The following CREBBP variants were observed in gnomAD, a reference collection of about 807,000 sequenced individuals.
CREBBP encodes CREB binding lysine acetyltransferase, also known as CREB-binding protein.
CREBBP carries 19 observed loss-of-function variants against 265.0 expected under a neutral mutation model. The observed-to-expected ratio is 0.07, with a 90% CI of 0.05 to 0.11. The LOEUF is 0.11. CREBBP is among the 10% of genes least tolerant of loss of function. The pLI is 1.00. For missense variants in CREBBP, 2,525 were observed against 3,219.0 expected, an observed-to-expected ratio of 0.78 and a Z score of 5.22; for synonymous variants, 1,457 against 1,223.7, an observed-to-expected ratio of 1.19 and a Z score of -3.98.
intron 2 of CREBBP, among the ~76,000 whole-genome samples, chr16:3,846,666 C>T (rs2054673706): frequency 6.6e-6 from 1 of 152,076 alleles, no homozygotes; most frequent in Non-Finnish European, 1.5e-5. Flanking sequence ...GAAGAATTTC[C>T]AACTTGTATT....
intron 26 of CREBBP, chr16:3,737,134 T>C (rs1269887642): frequency 4.3e-6 from 2 of 466,314 alleles, no homozygotes; most frequent in South Asian, 2.1e-5. Context: ...ATCCCCTTCC[T>C]CCTGTGCACT....
At chr16:3,814,609 T>C (rs1402874321) in intron 2 of CREBBP, among the ~76,000 whole-genome samples, 1 of 152,028 alleles carries the variant, frequency 6.6e-6, no homozygotes, top group Non-Finnish European at 1.5e-5. Flanking sequence ...CTCTGACAGA[T>C]TTCATCAAAA....
At chr16:3,762,914 A>G (rs942673947) in intron 16 of CREBBP, among the ~76,000 whole-genome samples, 15 of 151,982 alleles carry the variant, frequency 9.9e-5, no homozygotes, top group African/African-American at 3.6e-4. Context: ...CGCTGGGACT[A>G]CAGGCGCCTG....
intron 11 of CREBBP, among the ~76,000 whole-genome samples, chr16:3,776,060 G>A (rs1009835034): frequency 1.3e-5 from 2 of 152,122 alleles, no homozygotes; most frequent in Non-Finnish European, 2.9e-5. Context: ...GGGATTACAG[G>A]TGTGCACCAC....
intron 7 of CREBBP, 64 bp from the exon 8 acceptor site, chr16:3,780,942 A>C (rs2053260497): frequency 6.3e-7 from 1 of 1,587,304 alleles, no homozygotes; most frequent in Admixed American, 1.7e-5. Context: ...TTTGTCTAGT[A>C]AGGTTCTTCT....
intron 16 of CREBBP, among the ~76,000 whole-genome samples, chr16:3,763,357 C>T (rs963888817): frequency 6.6e-6 from 1 of 152,126 alleles, no homozygotes; most frequent in Non-Finnish European, 1.5e-5. Context: ...GACAGGGTCT[C>T]ACCATGTTGC....
chr16:3,752,691 T>A (rs1018586335), intron 19 of CREBBP, among the ~76,000 whole-genome samples: 1 of 152,262 alleles, frequency 6.6e-6, no homozygotes, highest in Non-Finnish European at 1.5e-5. Context: ...TTGACATTTT[T>A]GGTACTGGGA....
intron 28 of CREBBP, among the ~76,000 whole-genome samples, chr16:3,733,116 A>T (rs907863821): frequency 2.0e-5 from 3 of 152,052 alleles, no homozygotes; most frequent in Non-Finnish European, 2.9e-5. Flanking sequence ...TAATCCCAGC[A>T]CTTTGGAAGG....
At chr16:3,754,494 G>A (rs2052544293) in intron 19 of CREBBP, among the ~76,000 whole-genome samples, 1 of 151,966 alleles carries the variant, frequency 6.6e-6, no homozygotes, top group Non-Finnish European at 1.5e-5. Flanking sequence ...TTGCAAAGGA[G>A]AAATACTTCA....
chr16:3,800,156 C>T (rs1465616583), intron 3 of CREBBP, among the ~76,000 whole-genome samples: 1 of 152,208 alleles, frequency 6.6e-6, no homozygotes, highest in African/African-American at 2.4e-5. Flanking sequence ...GGTCTCACTG[C>T]TACCCAGGCT....
At position 3,728,171 on chromosome 16, in the gene CREBBP, C is replaced by A. The variant is rs2051798083; in HGVS notation, c.6876G>T (p.Gln2292His). 1.2e-6 allele frequency: 2 copies of A among 1,614,132 alleles called. No individual in the cohort carries two copies. Among genetic ancestry groups the A allele is most frequent in the East Asian group, 2.2e-5 (1 of 44,886 alleles). The change falls in exon 31 of 31, where the codon CAG becomes CAT. Residue 2292 changes from glutamine (Q) to histidine (H), a missense_variant. This residue lies in a region of CREBBP where 473 missense variants were observed against 459.3 expected (regional missense o/e 1.03). Coordinates refer to ENST00000262367, the MANE Select transcript of CREBBP (RefSeq NM_004380.3). This position sits in a 1 kb window ranked among gnomAD's most constrained non-coding sequence, Gnocchi z 8.7. ...DSTPNIQQAL[Q>H]QRILQQQQMK... Reference sequence around the variant, plus strand: ...TCTGCTGTTGCTGCAGAATCCGCTGCTGCAGGGCTTGCTGGATGTTGGGGG... The same window carrying A: ...TCTGCTGTTGCTGCAGAATCCGCTGATGCAGGGCTTGCTGGATGTTGGGGG...
chr16:3,850,420 C>G lies in CREBBP; in HGVS notation c.675G>C (p.Pro225=). ...CGCCCTGCATGGCTGGAGTAGGGTA[C>G]GGCATTCCAGCTCCCCTTCCTCTGC... ...AAGRGRGAGM[P]YPTPAMQGAS... is the part of the protein sequence containing the mutation. The change falls in exon 2 of 31, where the codon CCG becomes CCC. Residue 225 remains proline (P), a synonymous_variant. Coordinates refer to ENST00000262367, the MANE Select transcript of CREBBP (RefSeq NM_004380.3). The G allele has an allele frequency of 1.2e-6, 2 of 1,614,218 alleles. No individual in the cohort carries two copies. The highest frequency in any genetic ancestry group is 1.7e-6 in the Non-Finnish European group (2 of 1,180,046).
chr16:3,821,460 T>C (rs1350913291), intron 2 of CREBBP, among the ~76,000 whole-genome samples: 1 of 152,166 alleles, frequency 6.6e-6, no homozygotes, highest in Admixed American at 6.5e-5. Context: ...TGGGATTCCA[T>C]AGCCCCGCAC....
chr16:3,734,947 C>T (rs2052014029), intron 28 of CREBBP, among the ~76,000 whole-genome samples: 1 of 152,216 alleles, frequency 6.6e-6, no homozygotes, highest in South Asian at 2.1e-4. Context: ...GAGCCACCTC[C>T]ATTCACCGCT....
intron 1 of CREBBP, among the ~76,000 whole-genome samples, chr16:3,875,829 G>A (rs1392382445): frequency 6.6e-6 from 1 of 152,138 alleles, no homozygotes; most frequent in Admixed American, 6.6e-5. Context: ...CTGAGGTGAC[G>A]TGGAGAAAAG....
chr16:3,789,884 A>T (rs542744221), intron 5 of CREBBP, among the ~76,000 whole-genome samples: 27 of 135,220 alleles, frequency 2.0e-4, no homozygotes, highest in Non-Finnish European at 3.3e-4. Flanking sequence ...AGGATGGTTT[A>T]AAAAAAAAAA....
At position 3,774,607 on chromosome 16, in the gene CREBBP, G is replaced by A. The variant is rs1451414173; in HGVS notation, c.2245C>T (p.His749Tyr). Residue 749 changes from histidine (H) to tyrosine (Y), a missense_variant, in exon 12 of 31, where the codon CAC becomes TAC. Physicochemically the swap from His to Tyr is moderately conservative, Grantham distance 83. Coordinates refer to ENST00000262367, the MANE Select transcript of CREBBP (RefSeq NM_004380.3). ...CCCATGCTGTTCATCTGGACAGAGTGGTTCATTGGGGAGGCTGCACGAGGT... is the reference window on the plus strand; with the variant it reads ...CCCATGCTGTTCATCTGGACAGAGTAGTTCATTGGGGAGGCTGCACGAGGT... The part of the protein sequence containing the change: ...MGPRAASPMN[H>Y]SVQMNSMGSV... 7 of 1,614,192 alleles carry A rather than the reference G, an allele frequency of 4.3e-6. No homozygotes were observed. Among genetic ancestry groups the A allele is most frequent in the Non-Finnish European group, 5.9e-6 (7 of 1,180,032 alleles).
intron 1 of CREBBP, among the ~76,000 whole-genome samples, chr16:3,865,924 C>G (rs916902394): frequency 6.6e-6 from 1 of 152,196 alleles, no homozygotes; most frequent in Non-Finnish European, 1.5e-5. Context: ...CGTGAGCCCA[C>G]CGCGCCCGGC....
chr16:3,796,693 G>T (rs1296602628), intron 3 of CREBBP, among the ~76,000 whole-genome samples: 1 of 152,132 alleles, frequency 6.6e-6, no homozygotes, highest in Middle Eastern at 3.2e-3. Context: ...AGCCTGGCAT[G>T]TATTTTTAAT....
Sources: allele counts gnomAD v4.1 joint callset (sites outside exome capture counted in the v4.1 genomes callset), GRCh38; gene constraint gnomAD v4.1.1; regional missense constraint gnomAD v4.1.1; non-coding constraint Gnocchi (gnomAD v3.1); transcripts MANE v1.5; gene names NCBI Gene and HGNC (gene_info 2026-07-23, HGNC 2026-07-21).